The following ZNF638 variants were observed in gnomAD, a reference collection of about 807,000 sequenced individuals.
The protein encoded by ZNF638 is CTCL tumor antigen se33-1.
In ZNF638, 46 loss-of-function variants were observed where a neutral mutation model predicts 195.6. The ratio of observed to expected loss-of-function variants is 0.24; its 90% CI spans 0.19 to 0.30. The LOEUF is 0.30. ZNF638 is among the 10% of genes least tolerant of loss of function. The probability of loss-of-function intolerance (pLI) is 1.00; values close to 1 mark genes in which losing one functional copy is unlikely to be tolerated. For missense variants in ZNF638, 2,440 were observed against 2,325.3 expected (o/e 1.05, Z -1.01); for synonymous variants, 845 against 772.0 (o/e 1.09, Z -1.57).
At chr2:71,422,759 ATTTTTGTTTGTG>A (rs1203155585) in intron 21 of ZNF638, 43 bp from the exon 22 acceptor site, 113 of 1,538,012 alleles carry the variant, frequency 7.3e-5, no homozygotes, top group South Asian at 3.9e-4. Context: ...TCATAGTTTG[ATTTTTGTTTGTG>A]TTTTTGTTTG....
rs368026367 is a variant in ZNF638 at position 71,389,547 on chromosome 2, A to G, written c.2378-6594A>G. ...ATGAACAACAAGCCAACCAGAATCA[A>G]TTGGCCGGGCAAAACATAACAGCTG... On this transcript the variant is annotated intron_variant, in intron 10 of 27. Coordinates refer to ENST00000264447, the MANE Select transcript of ZNF638 (RefSeq NM_014497.5). Among the ~76,000 whole-genome samples the G allele has an allele frequency of 5.9e-5, 9 of 152,148 alleles. No individual in the cohort carries two copies. The South Asian group carries it at 8.3e-4, about 14-fold the overall frequency.
rs2080736202 is a variant in ZNF638 at position 71,434,951 on chromosome 2, A to G, written c.*144A>G. The G allele has an allele frequency of 8.1e-6, 5 of 617,846 alleles. No homozygotes were observed. The Admixed American group carries it at 1.4e-4, about 17-fold the overall frequency. The allele number at this position is 617,846 out of a possible 1,614,324, so 38.3% of individuals were successfully genotyped here. A position where few individuals can be genotyped will look rare whatever the true frequency, so the allele number is the denominator to read the frequency against. On this transcript the variant is annotated 3_prime_UTR_variant, in exon 28 of 28. Coordinates refer to ENST00000264447, the MANE Select transcript of ZNF638 (RefSeq NM_014497.5). ...TTCTGATTGCCCTAAATGTAGAGAG[A>G]CTGATGGGGAAAGTATGATGGGTTT... is the stretch of plus-strand genomic sequence containing the variant.
At chr2:71,364,876 T>A (rs1350066989) in intron 5 of ZNF638, among the ~76,000 whole-genome samples, 1 of 152,222 alleles carries the variant, frequency 6.6e-6, no homozygotes, top group Non-Finnish European at 1.5e-5. Context: ...ATGAGATCTC[T>A]TTTCTAATTA....
chr2:71,420,014 A>T (rs2080396434), intron 21 of ZNF638, among the ~76,000 whole-genome samples: 1 of 112,492 alleles, frequency 8.9e-6, no homozygotes, highest in Non-Finnish European at 1.7e-5. Flanking sequence ...AACATTAGAG[A>T]AAAAGATGTG....
At chr2:71,343,143 A>G (rs1340511021) in intron 1 of ZNF638, among the ~76,000 whole-genome samples, 1 of 152,164 alleles carries the variant, frequency 6.6e-6, no homozygotes, top group Non-Finnish European at 1.5e-5. Flanking sequence ...TCCTTTTCTG[A>G]TACCTCAGCC....
intron 10 of ZNF638, among the ~76,000 whole-genome samples, chr2:71,383,391 G>A (rs1183945381): frequency 6.6e-6 from 1 of 152,142 alleles, no homozygotes; most frequent in Non-Finnish European, 1.5e-5. Context: ...ACATGGAGGA[G>A]TTAGAATTTG....
rs2080470959 is a variant in ZNF638, at chr2:71,423,355, G to A, written c.3841G>A (p.Val1281Met). 6.2e-7 allele frequency: 1 copy of A among 1,613,814 alleles called. No homozygotes were observed. The highest frequency in any genetic ancestry group is 1.3e-5 in the African/African-American group (1 of 74,902). The change falls in exon 22 of 28, where the codon GTG becomes ATG. Residue 1281 changes from valine (V) to methionine (M), a missense_variant. By Grantham distance (21) the Val-to-Met change is conservative. Transcript: ENST00000264447. Reference sequence around the variant, plus strand: ...GGAAATATTGCCATCAACTTGTATTGTGACGTTAGTACCAGGAATTCCCAC... The same window carrying A: ...GGAAATATTGCCATCAACTTGTATTATGACGTTAGTACCAGGAATTCCCAC... ...VSEILPSTCI[V>M]TLVPGIPTGD...
intron 20 of ZNF638, among the ~76,000 whole-genome samples, chr2:71,410,508 G>C (rs2080192735): frequency 1.3e-5 from 2 of 152,012 alleles, no homozygotes; most frequent in African/African-American, 4.8e-5. Flanking sequence ...ACTGTGCTTG[G>C]CCCTAAACTA....
chr2:71,341,865 A>T (rs1026308057), intron 1 of ZNF638: 1 of 152,178 alleles, frequency 6.6e-6, no homozygotes, highest in South Asian at 2.1e-4. Flanking sequence ...GCCTTTGTTT[A>T]GTTTCTGTTT....
intron 10 of ZNF638, chr2:71,388,853 T>C: frequency 1.5e-6 from 1 of 654,084 alleles, no homozygotes; most frequent in Non-Finnish European, 2.8e-6. Flanking sequence ...TGCTTAAAGC[T>C]AGCAGAGCCT....
intron 25 of ZNF638, among the ~76,000 whole-genome samples, chr2:71,429,419 C>A (rs6743785): frequency 0.092 from 13,975 of 152,204 alleles, 689 homozygotes; most frequent in East Asian, 0.13. Flanking sequence ...GCTTTCCCCC[C>A]CTTCTACATC....
intron 1 of ZNF638, chr2:71,348,333 A>G (rs2078886525): frequency 1.1e-6 from 1 of 885,568 alleles, no homozygotes; most frequent in Non-Finnish European, 1.4e-6. Flanking sequence ...TTAGGCTTAC[A>G]GTTCTTACTT....
Position 71,428,662 on chromosome 2 carries a change from A to G in ZNF638, c.5650+11A>G. 6 of 1,605,834 alleles carry G rather than the reference A, an allele frequency of 3.7e-6. No individual in the cohort carries two copies. The highest frequency in any genetic ancestry group is 5.1e-6 in the Non-Finnish European group (6 of 1,173,918). On this transcript the variant is annotated intron_variant, in intron 25 of 27. Transcript: ENST00000264447. Reference sequence around the variant, plus strand: ...TCCAGATGAGTGAAGGTAAAGCAGGATTGTTGGAATGGGAAGGAAAGTTAC... The same window carrying G: ...TCCAGATGAGTGAAGGTAAAGCAGGGTTGTTGGAATGGGAAGGAAAGTTAC...
At chr2:71,336,085 A>G (rs1295720147) in intron 1 of ZNF638, among the ~76,000 whole-genome samples, 3 of 152,132 alleles carry the variant, frequency 2.0e-5, no homozygotes, top group Non-Finnish European at 2.9e-5. Flanking sequence ...AATGTACTTG[A>G]TAAGGCCGGG....
In ZNF638 at chr2:71,348,914, C is replaced by T. The variant is rs1218388896; in HGVS notation, c.-41C>T. ...GCCGTTGCCTCACATGGTTCAACAC[C>T]ACCTTATACTTTATTAAATCAGGCT... On this transcript the variant is annotated 5_prime_UTR_variant, in exon 2 of 28. Coordinates refer to ENST00000264447, the MANE Select transcript of ZNF638 (RefSeq NM_014497.5). 3.7e-6 allele frequency: 6 copies of T among 1,614,104 alleles called. No individual in the cohort carries two copies. The highest frequency in any genetic ancestry group is 1.6e-4 in the Middle Eastern group (1 of 6,062).
At chr2:71,332,251 T>A (rs1012193153) in intron 1 of ZNF638, among the ~76,000 whole-genome samples, 1 of 152,210 alleles carries the variant, frequency 6.6e-6, no homozygotes, top group Non-Finnish European at 1.5e-5. Flanking sequence ...CTGCCGAGGC[T>A]GCGCTGGGCC....
At chr2:71,375,641 A>T (rs2079407235) in intron 8 of ZNF638, 1 of 152,230 alleles carries the variant, frequency 6.6e-6, no homozygotes, top group African/African-American at 2.4e-5. Context: ...TTAAGAACTT[A>T]AACTTTATCC....
intron 25 of ZNF638, chr2:71,429,081 A>G (rs2080601279): frequency 6.3e-6 from 1 of 157,526 alleles, no homozygotes; most frequent in African/African-American, 2.4e-5. Context: ...GATACTTGTC[A>G]TATTGTATTG....
chr2:71,408,725 A>C, intron 20 of ZNF638: 1 of 455,228 alleles, frequency 2.2e-6, no homozygotes, highest in Non-Finnish European at 4.5e-6. Context: ...TGAAAGCATT[A>C]AATTCAAACT....
Sources: allele counts gnomAD v4.1 joint callset (sites outside exome capture counted in the v4.1 genomes callset), GRCh38; gene constraint gnomAD v4.1.1; transcripts MANE v1.5; gene names NCBI Gene and HGNC (gene_info 2026-07-23, HGNC 2026-07-21).